The following ZNF292 variants were observed in gnomAD, a reference collection of about 807,000 sequenced individuals.
The protein encoded by ZNF292 is 16 zinc-finger domain protein.
Under a neutral mutation model 217.9 loss-of-function variants are expected in ZNF292, and 26 were observed. The observed-to-expected ratio is 0.12, with a 90% CI of 0.09 to 0.17. The LOEUF is 0.17. Among genes scored for constraint, ZNF292 ranks in the 10% least tolerant of loss-of-function variants. ZNF292 has a pLI of 1.00. For synonymous variants in ZNF292, 1,257 were observed against 1,124.1 expected, an observed-to-expected ratio of 1.12 and a Z score of -2.37; for missense variants, 2,904 against 3,175.2, an observed-to-expected ratio of 0.91 and a Z score of 2.05.
intron 1 of ZNF292, among the ~76,000 whole-genome samples, chr6:87,190,968 G>C (rs974472279): frequency 1.3e-5 from 2 of 152,008 alleles, no homozygotes; most frequent in East Asian, 1.9e-4. Flanking sequence ...ACAAAACTGA[G>C]TATATTAGAC....
intron 5 of ZNF292, among the ~76,000 whole-genome samples, chr6:87,235,790 C>T (rs73754143): frequency 0.013 from 1,920 of 152,140 alleles, 39 homozygotes; most frequent in African/African-American, 0.043. Context: ...AGAATTAAGA[C>T]TTTTCATGTT....
intron 1 of ZNF292, among the ~76,000 whole-genome samples, chr6:87,199,620 G>A (rs1772051864): frequency 6.6e-6 from 1 of 152,144 alleles, no homozygotes; most frequent in South Asian, 2.1e-4. Context: ...TGTGTATGAT[G>A]CAAGGTAAGC....
chr6:87,193,363 G>A (rs1771870185), intron 1 of ZNF292, among the ~76,000 whole-genome samples: 1 of 151,994 alleles, frequency 6.6e-6, no homozygotes. Context: ...TGGGGAATAT[G>A]ACGAAAAACA....
chr6:87,256,907 C>G lies in ZNF292; in HGVS notation c.3278C>G (p.Ala1093Gly). ...SLGTPSVPPK[A>G]PVQKFSCQVE... ...GGAACTCCATCAGTGCCTCCAAAAGCTCCAGTTCAGAAATTCAGCTGCCAG... is the reference window on the plus strand; with the variant it reads ...GGAACTCCATCAGTGCCTCCAAAAGGTCCAGTTCAGAAATTCAGCTGCCAG... Residue 1093 changes from alanine (A) to glycine (G), a missense_variant, in exon 8 of 8, where the codon GCT becomes GGT. Coordinates refer to ENST00000369577, the MANE Select transcript of ZNF292 (RefSeq NM_015021.3). 1 of 1,613,866 alleles carries G rather than the reference C, an allele frequency of 6.2e-7. No homozygotes were observed. The highest frequency in any genetic ancestry group is 8.5e-7 in the Non-Finnish European group (1 of 1,179,832).
At chr6:87,160,527 G>A (rs1770702904) in intron 1 of ZNF292, among the ~76,000 whole-genome samples, 1 of 147,004 alleles carries the variant, frequency 6.8e-6, no homozygotes, top group South Asian at 2.1e-4. Context: ...ATATATGCAA[G>A]GACCTAGGTT....
At chr6:87,235,447 G>A (rs1227557533) in intron 5 of ZNF292, among the ~76,000 whole-genome samples, 2 of 152,116 alleles carry the variant, frequency 1.3e-5, no homozygotes, top group Non-Finnish European at 2.9e-5. Context: ...AGGTGAATAA[G>A]GGGTAGGCCC....
At chr6:87,185,352 T>TCC (rs1265373876) in intron 1 of ZNF292, among the ~76,000 whole-genome samples, 4 of 152,234 alleles carry the variant, frequency 2.6e-5, no homozygotes, top group Admixed American at 2.6e-4. Context: ...TATTTTGGAT[T>TCC]TCAACATTTA....
At position 87,261,224 on chromosome 6, in the gene ZNF292, G is replaced by A; in HGVS notation, c.7595G>A (p.Arg2532Lys). The A allele has an allele frequency of 6.2e-7, 1 of 1,610,348 alleles. No individual in the cohort carries two copies. Among genetic ancestry groups the A allele is most frequent in the Non-Finnish European group, 8.5e-7 (1 of 1,178,962 alleles). ...SERQKASNLK[R>K]VNKEKNVSQN... The stretch of plus-strand genomic sequence containing the variant: ...AGACAAAAAGCAAGTAATTTGAAGA[G>A]AGTTAATAAGGAAAAAAATGTCTCA... Residue 2532 changes from arginine (R) to lysine (K), a missense_variant, in exon 8 of 8, where the codon AGA becomes AAA. Transcript: ENST00000369577.
intron 1 of ZNF292, among the ~76,000 whole-genome samples, chr6:87,168,300 A>C (rs1171415156): frequency 6.6e-6 from 1 of 152,242 alleles, no homozygotes; most frequent in African/African-American, 2.4e-5. Context: ...TCATCAAAAA[A>C]TGTTAAATTT....
chr6:87,215,867 C>T (rs1387062178), intron 1 of ZNF292, 36 bp from the exon 2 acceptor site: 3 of 1,515,372 alleles, frequency 2.0e-6, no homozygotes, highest in Non-Finnish European at 2.6e-6. Context: ...TTTTGATTTA[C>T]ATTTTGAATA....
chr6:87,254,612 G>A (rs201888090), intron 7 of ZNF292, 38 bp from the exon 8 acceptor site: 15 of 1,516,580 alleles, frequency 9.9e-6, no homozygotes, highest in African/African-American at 1.4e-5. Flanking sequence ...GTTGATTAGT[G>A]TAGATTAAAT....
rs555976915 is a variant in ZNF292, at chr6:87,174,729, C to T, written c.168+18970C>T. On this transcript the variant is annotated intron_variant, in intron 1 of 7. Transcript: ENST00000369577. ...CTTACGTACTAAGGCCCATTAAACTCATTTTTTTGGTACCTAAGATTTTAA... is the reference window on the plus strand; with the variant it reads ...CTTACGTACTAAGGCCCATTAAACTTATTTTTTTGGTACCTAAGATTTTAA... Among the ~76,000 whole-genome samples, 3 of 152,136 alleles carry T rather than the reference C, an allele frequency of 2.0e-5. No homozygotes were observed. The East Asian group carries it at 5.8e-4, about 29-fold the overall frequency.
At chr6:87,184,570 G>C (rs906642138) in intron 1 of ZNF292, among the ~76,000 whole-genome samples, 5 of 149,598 alleles carry the variant, frequency 3.3e-5, no homozygotes, top group African/African-American at 1.0e-4. Context: ...TCCAATACTA[G>C]GTCTGTATTA....
In ZNF292 at chr6:87,180,622, A is replaced by G. The variant is rs180813791; in HGVS notation, c.168+24863A>G. Among the ~76,000 whole-genome samples the G allele has an allele frequency of 1.2e-4, 19 of 152,254 alleles. No individual in the cohort carries two copies. In the East Asian group the frequency reaches 2.7e-3, roughly 22 times the overall value. On this transcript the variant is annotated intron_variant, in intron 1 of 7. Coordinates refer to ENST00000369577, the MANE Select transcript of ZNF292 (RefSeq NM_015021.3). Reference sequence around the variant, plus strand: ...TTTCCTTGTGCAGGCCCTGCTGGTAATGAGATTCTCAATGTCCCAACTGAC... The same window carrying G: ...TTTCCTTGTGCAGGCCCTGCTGGTAGTGAGATTCTCAATGTCCCAACTGAC...
intron 1 of ZNF292, among the ~76,000 whole-genome samples, chr6:87,156,156 G>C (rs898120512): frequency 1.3e-5 from 2 of 152,220 alleles, no homozygotes; most frequent in South Asian, 2.1e-4. Context: ...CTGCGCCTCT[G>C]CTTCCCACTC....
At chr6:87,218,468 C>T in intron 3 of ZNF292, 128 bp from the exon 4 acceptor site, 4 of 609,860 alleles carry the variant, frequency 6.6e-6, no homozygotes, top group Non-Finnish European at 1.0e-5. Flanking sequence ...GAATTGAGTA[C>T]TTTGTAATGT....
intron 1 of ZNF292, among the ~76,000 whole-genome samples, chr6:87,156,882 A>C (rs914424039): frequency 6.6e-6 from 1 of 152,210 alleles, no homozygotes; most frequent in African/African-American, 2.4e-5. Flanking sequence ...GGCTCTGGTG[A>C]AGACTTTGAT....
chr6:87,224,462 A>G (rs1438935794), intron 4 of ZNF292, among the ~76,000 whole-genome samples: 2 of 151,802 alleles, frequency 1.3e-5, no homozygotes, highest in Non-Finnish European at 2.9e-5. Flanking sequence ...AAAAAAAACA[A>G]CAAAAAAACT....
chr6:87,233,503 A>G lies in ZNF292; in HGVS notation c.717A>G (p.Ser239=), dbSNP rs754572936. 1.6e-4 allele frequency: 250 copies of G among 1,611,434 alleles called. No homozygotes were observed. The highest frequency in any genetic ancestry group is 1.9e-4 in the Non-Finnish European group (222 of 1,178,890). The change falls in exon 5 of 8, where the codon TCA becomes TCG. Residue 239 remains serine (S), a synonymous_variant. Coordinates refer to ENST00000369577, the MANE Select transcript of ZNF292 (RefSeq NM_015021.3). The stretch of plus-strand genomic sequence containing the variant: ...ACCTTGTCTGTCTTTGTACATCATC[A>G]CCAAATGGAAAGTTAATCGAAGAGG... ...QTYLVCLCTS[S]PNGKLIEEIS... is the part of the protein sequence containing the mutation.
Sources: allele counts gnomAD v4.1 joint callset (sites outside exome capture counted in the v4.1 genomes callset), GRCh38; gene constraint gnomAD v4.1.1; transcripts MANE v1.5; gene names NCBI Gene and HGNC (gene_info 2026-07-23, HGNC 2026-07-21).